The following DCT variants were observed in gnomAD, a reference collection of about 807,000 sequenced individuals.
DCT encodes L-dopachrome tautomerase.
DCT carries 47 observed loss-of-function variants against 53.0 expected under a neutral mutation model. The ratio of observed to expected loss-of-function variants is 0.89; its 90% CI spans 0.70 to 1.13. The LOEUF (loss-of-function observed/expected upper bound fraction) is 1.13. Ranked by LOEUF, DCT falls within the 50% of genes most tolerant of loss-of-function variation. DCT has a pLI of 0.00. For missense variants in DCT, 669 were observed against 637.4 expected (o/e 1.05, Z -0.53); for synonymous variants, 244 against 237.0 (o/e 1.03, Z -0.27).
chr13:94,487,157 A>T, the DCT span, among the ~76,000 whole-genome samples: 239 of 152,312 alleles, frequency 1.6e-3, 5 homozygotes, highest in Non-Finnish European at 1.2e-4. Context: ...GGGATATCTC[A>T]TGGGTGTATT....
chr13:94,481,681 A>T (rs1044665659), upstream of DCT, among the ~76,000 whole-genome samples: 1 of 152,154 alleles, frequency 6.6e-6, no homozygotes, highest in African/African-American at 2.4e-5. Flanking sequence ...CCAAAATTAC[A>T]ACTCTGACTT....
the DCT span, among the ~76,000 whole-genome samples, chr13:94,506,659 A>G: frequency 2.0e-5 from 3 of 152,214 alleles, no homozygotes; most frequent in Non-Finnish European, 4.4e-5. Context: ...TATGGATTAC[A>G]CTGTTGCATG....
the DCT span, among the ~76,000 whole-genome samples, chr13:94,506,808 TG>T: frequency 1.3e-5 from 2 of 152,220 alleles, no homozygotes; most frequent in Admixed American, 1.3e-4. Flanking sequence ...AGCATCACCA[TG>T]ATAAGATATA....
chr13:94,461,864 C>G (rs536731053), intron 5 of DCT, 146 bp downstream of exon 5: 1 of 644,340 alleles, frequency 1.6e-6, no homozygotes, highest in East Asian at 2.8e-5. Flanking sequence ...ACACCAATCC[C>G]TTGCTAACTT....
At chr13:94,524,177 A>G in the DCT span, among the ~76,000 whole-genome samples, 2 of 152,220 alleles carry the variant, frequency 1.3e-5, no homozygotes, top group African/African-American at 4.8e-5. Flanking sequence ...ATTTGTAACA[A>G]TACATTCTAG....
the DCT span, among the ~76,000 whole-genome samples, chr13:94,544,058 T>C: frequency 6.6e-6 from 1 of 151,794 alleles, no homozygotes; most frequent in Non-Finnish European, 1.5e-5. Flanking sequence ...AAATGCTCTT[T>C]ATGGATCTCA....
intron 6 of DCT, among the ~76,000 whole-genome samples, chr13:94,457,468 C>T (rs1467138318): frequency 2.6e-5 from 4 of 152,160 alleles, no homozygotes; most frequent in Non-Finnish European, 4.4e-5. Context: ...GACCTCCTGG[C>T]CTCTAGAACT....
chr13:94,445,262 CTT>C (rs1882642442), intron 6 of DCT, among the ~76,000 whole-genome samples: 1 of 152,198 alleles, frequency 6.6e-6, no homozygotes, highest in African/African-American at 2.4e-5. Context: ...GTTTCTGACT[CTT>C]TTATAACCAA....
the DCT span, among the ~76,000 whole-genome samples, chr13:94,546,391 CT>C: frequency 6.6e-6 from 1 of 152,164 alleles, no homozygotes; most frequent in Non-Finnish European, 1.5e-5. The surrounding 1 kb of genome is among the most constrained non-coding windows in gnomAD (Gnocchi z 4.2). Flanking sequence ...CCAGTCACCT[CT>C]GTACAAATCA....
At position 94,439,705 on chromosome 13, in the gene DCT, G is replaced by A; in HGVS notation, c.*193C>T. ...GGTAGAGGTAGCCTCAAGCACTTTAGTTGGGTTTGTTAAACAAGCAAGCAA... is the reference window on the plus strand; with the variant it reads ...GGTAGAGGTAGCCTCAAGCACTTTAATTGGGTTTGTTAAACAAGCAAGCAA... On this transcript the variant is annotated 3_prime_UTR_variant, in exon 8 of 8. Transcript: ENST00000377028. 2.3e-6 allele frequency: 1 copy of A among 429,354 alleles called. No individual in the cohort carries two copies. The highest frequency in any genetic ancestry group is 4.1e-6 in the Non-Finnish European group (1 of 244,126). The allele number at this position is 429,354 out of a possible 1,614,324, so 26.6% of individuals were successfully genotyped here.
chr13:94,513,495 A>G, the DCT span, among the ~76,000 whole-genome samples: 1 of 152,080 alleles, frequency 6.6e-6, no homozygotes, highest in Non-Finnish European at 1.5e-5. Flanking sequence ...CAATTATCTA[A>G]TTTTCAGAAA....
intron 4 of DCT, chr13:94,465,314 G>C: frequency 5.2e-6 from 1 of 192,294 alleles, no homozygotes; most frequent in Non-Finnish European, 1.1e-5. Context: ...TTAGGTTGAT[G>C]CAAAAGAAAT....
intron 1 of DCT, among the ~76,000 whole-genome samples, chr13:94,475,926 G>A (rs1389314073): frequency 6.6e-6 from 1 of 152,230 alleles, no homozygotes; most frequent in Non-Finnish European, 1.5e-5. Context: ...TTAAAAAAAT[G>A]TAGGTGTGGA....
At chr13:94,493,550 C>T in the DCT span, among the ~76,000 whole-genome samples, 1 of 152,100 alleles carries the variant, frequency 6.6e-6, no homozygotes, top group Admixed American at 6.5e-5. Context: ...GAAATATGTG[C>T]AGTATATTAT....
chr13:94,450,244 T>C (rs908369005), intron 6 of DCT, among the ~76,000 whole-genome samples: 1 of 152,162 alleles, frequency 6.6e-6, no homozygotes, highest in African/African-American at 2.4e-5. Context: ...GAAATAAATG[T>C]TGTTTAGGCC....
the DCT span, among the ~76,000 whole-genome samples, chr13:94,517,842 T>C: frequency 2.0e-5 from 3 of 152,024 alleles, no homozygotes; most frequent in African/African-American, 7.3e-5. Flanking sequence ...TTTAAAAATT[T>C]TTTAAAGAAT....
chr13:94,444,492 G>T (rs1434530925), intron 6 of DCT: 2 of 444,396 alleles, frequency 4.5e-6, no homozygotes, highest in Admixed American at 2.7e-5. Context: ...AGCCATTAAA[G>T]TCCTTTTAAA....
rs1397768500 is a variant in DCT, at chr13:94,460,135, TC to T, written c.1134del (p.Thr379GlnfsTer29). ...GCGGCTGAATGTGGCAAAGCGTTTG[TC>T]CCGTTCAGGAAGGAATGAACCAAAT... is the stretch of plus-strand genomic sequence containing the variant. ...LHNLVHSFLNGTNALPHSAAN... is the reference protein window; with the variant it reads ...LHNLVHSFLNXTNALPHSAAN... On this transcript the variant is annotated frameshift_variant, in exon 6 of 8. Transcript: ENST00000377028. LOFTEE classifies it high-confidence loss of function. 1.2e-6 allele frequency: 2 copies of T among 1,614,010 alleles called. No individual in the cohort carries two copies. The highest frequency in any genetic ancestry group is 2.7e-5 in the African/African-American group (2 of 74,926).
At chr13:94,505,913 CT>C in the DCT span, among the ~76,000 whole-genome samples, 1 of 152,176 alleles carries the variant, frequency 6.6e-6, no homozygotes, top group Non-Finnish European at 1.5e-5. Flanking sequence ...TCCATGTGAG[CT>C]TGGAAGTGAA....
Sources: gnomAD v4.1 joint callset for allele counts (sites outside exome capture counted in the v4.1 genomes callset) on GRCh38, gnomAD v4.1.1 for gene constraint, Gnocchi (gnomAD v3.1) non-coding constraint, MANE v1.5 for transcripts, NCBI Gene and HGNC (gene_info 2026-07-23, HGNC 2026-07-21) for gene names.